Variants in SH3KBP1 observed in about 807,000 individuals in gnomAD.
SH3KBP1 encodes SH3 domain-containing kinase-binding protein 1.
In SH3KBP1, 8 loss-of-function variants were observed where a neutral mutation model predicts 50.1. That is an observed-to-expected ratio of 0.16 (90% CI 0.09 to 0.29). The LOEUF is 0.29. SH3KBP1 is among the 10% of genes least tolerant of loss of function. The probability of loss-of-function intolerance (pLI) is 1.00; values close to 1 mark genes in which losing one functional copy is unlikely to be tolerated. For missense variants in SH3KBP1, 377 were observed against 535.2 expected (o/e 0.70, Z 2.92); for synonymous variants, 227 against 218.6 (o/e 1.04, Z -0.34).
intron 9 of SH3KBP1, among the ~76,000 whole-genome samples, chrX:19,602,601 GCA>G: frequency 1.8e-5 from 2 of 112,351 alleles, no homozygotes; most frequent in African/African-American, 6.5e-5. Context: ...CTTATTAGAA[GCA>G]CATATTTCTT....
intron 1 of SH3KBP1, among the ~76,000 whole-genome samples, chrX:19,854,129 T>C (rs2068585869): frequency 9.1e-6 from 1 of 110,214 alleles, no homozygotes; most frequent in Non-Finnish European, 1.9e-5. Flanking sequence ...TTTCTTTCTT[T>C]TTTTGAGATG....
chrX:19,627,563 T>G (rs1310336184), intron 8 of SH3KBP1, among the ~76,000 whole-genome samples: 1 of 112,606 alleles, frequency 8.9e-6, no homozygotes, highest in African/African-American at 3.2e-5. Context: ...CAAGAATTCT[T>G]TATAAATAAA....
chrX:19,718,202 G>A (rs1046667141), intron 3 of SH3KBP1, among the ~76,000 whole-genome samples: 1 of 108,499 alleles, frequency 9.2e-6, no homozygotes, highest in Admixed American at 9.9e-5. Context: ...GCAGCATGTA[G>A]CATTTTAGTT....
chrX:19,541,380 C>T (rs188354026), intron 16 of SH3KBP1, among the ~76,000 whole-genome samples: 6 of 111,711 alleles, frequency 5.4e-5, no homozygotes, highest in Non-Finnish European at 9.4e-5. Flanking sequence ...GGAAGAAAGA[C>T]CCCCACTGCC....
chrX:19,786,044 A>G (rs982614605), intron 2 of SH3KBP1, among the ~76,000 whole-genome samples: 1 of 111,941 alleles, frequency 8.9e-6, no homozygotes, highest in African/African-American at 3.3e-5. Context: ...TGAACCATAC[A>G]CTTCAAATGA....
chrX:19,541,785 C>A, intron 16 of SH3KBP1, 140 bp downstream of exon 16: 1 of 668,159 alleles, frequency 1.5e-6, no homozygotes. Flanking sequence ...TCTACACGCA[C>A]TCCCACCATT....
chrX:19,679,904 A>G lies in SH3KBP1; in HGVS notation c.726+3919T>C, dbSNP rs768872452. Among the ~76,000 whole-genome samples the G allele has an allele frequency of 2.1e-4, 24 of 112,591 alleles. No individual in the cohort carries two copies. In the South Asian group the frequency reaches 8.3e-3, roughly 39 times the overall value. On this transcript the variant is annotated intron_variant, in intron 6 of 17. Transcript: ENST00000397821. ...AAACGGAATCCTTCCTTATAGCCTGATAAGAGAAACAAGAATACCTACATG... is the reference window on the plus strand; with the variant it reads ...AAACGGAATCCTTCCTTATAGCCTGGTAAGAGAAACAAGAATACCTACATG...
chrX:19,615,925 T>A lies in SH3KBP1; in HGVS notation c.898-7880A>T, dbSNP rs1027155659. On this transcript the variant is annotated intron_variant, in intron 8 of 17. Coordinates refer to ENST00000397821, the MANE Select transcript of SH3KBP1 (RefSeq NM_031892.3). ...GCTTAGGCAGTCATTCACTTTTTTT[T>A]TTTTTTTTTAGACGGGGCCTCACTC... is the stretch of plus-strand genomic sequence containing the variant. 2.0e-4 allele frequency among the ~76,000 whole-genome samples: 22 copies of A among 109,939 alleles called. 1 individual carries two copies. The highest frequency in any genetic ancestry group is 2.9e-4 in the Admixed American group (3 of 10,232).
chrX:19,549,563 C>T (rs73631348), intron 14 of SH3KBP1, among the ~76,000 whole-genome samples: 2,283 of 111,375 alleles, frequency 0.02, 58 homozygotes, highest in African/African-American at 0.07. Flanking sequence ...GAGAAAGGTT[C>T]GGCTGCTGCC....
intron 8 of SH3KBP1, among the ~76,000 whole-genome samples, chrX:19,621,069 C>T (rs865798390): frequency 3.0e-3 from 111 of 36,668 alleles, no homozygotes; most frequent in Middle Eastern, 0.017. Flanking sequence ...CATTTCTTTT[C>T]TTTCTTTTTT....
chrX:19,805,415 T>A (rs1000605510), intron 2 of SH3KBP1, among the ~76,000 whole-genome samples: 1 of 109,185 alleles, frequency 9.2e-6, no homozygotes, highest in Non-Finnish European at 1.9e-5. Flanking sequence ...TTCTTAAAAA[T>A]CAACATACTT....
At chrX:19,829,413 CTGTT>C (rs2067792227) in intron 2 of SH3KBP1, among the ~76,000 whole-genome samples, 1 of 108,646 alleles carries the variant, frequency 9.2e-6, no homozygotes, top group Admixed American at 9.8e-5. Flanking sequence ...GTGGAACTGT[CTGTT>C]CTTTTTTTTT....
intron 13 of SH3KBP1, among the ~76,000 whole-genome samples, chrX:19,566,691 A>C (rs1051599673): frequency 1.8e-5 from 2 of 112,216 alleles, no homozygotes; most frequent in East Asian, 5.6e-4. Context: ...GCAGAACAAA[A>C]GCTACAGCAG....
rs2392753 is a variant in SH3KBP1, at chrX:19,751,568, A to C, written c.163-5127T>G. 3.5e-3 allele frequency among the ~76,000 whole-genome samples: 395 copies of C among 111,881 alleles called. 2 individuals are homozygous for C. The highest frequency in any genetic ancestry group is 0.012 in the African/African-American group (376 of 30,755). ...GCAAACCTCTTCAGAAAGCAAAGGAAACCCAGCTTCTCTTTATCTCAGATC... is the reference window on the plus strand; with the variant it reads ...GCAAACCTCTTCAGAAAGCAAAGGACACCCAGCTTCTCTTTATCTCAGATC... On this transcript the variant is annotated intron_variant, in intron 2 of 17. Transcript: ENST00000397821.
intron 1 of SH3KBP1, among the ~76,000 whole-genome samples, chrX:19,885,916 C>A (rs961725423): frequency 9.0e-6 from 1 of 111,453 alleles, no homozygotes; most frequent in African/African-American, 3.3e-5. Context: ...CTGTGCCACA[C>A]ACCAAAAGTG....
intron 3 of SH3KBP1, among the ~76,000 whole-genome samples, chrX:19,730,549 G>C (rs1284596622): frequency 9.0e-6 from 1 of 111,626 alleles, no homozygotes; most frequent in Non-Finnish European, 1.9e-5. Context: ...AAGGGTGGGA[G>C]GGGAGAAAAG....
chrX:19,887,072 G>A (rs2069611858), intron 1 of SH3KBP1, among the ~76,000 whole-genome samples: 1 of 111,545 alleles, frequency 9.0e-6, no homozygotes, highest in Non-Finnish European at 1.9e-5. Context: ...GCCAGCCCCC[G>A]TGATCGTCTG....
intron 2 of SH3KBP1, among the ~76,000 whole-genome samples, chrX:19,795,549 C>T (rs2066683362): frequency 9.0e-6 from 1 of 111,479 alleles, no homozygotes; most frequent in Admixed American, 9.6e-5. Context: ...CTCAGTCAGC[C>T]CTCCTTTTGT....
chrX:19,549,978 G>A lies in SH3KBP1; in HGVS notation c.1490C>T (p.Thr497Ile), dbSNP rs769826150. 2.5e-6 allele frequency: 3 copies of A among 1,184,462 alleles called. No individual in the cohort carries two copies. The highest frequency in any genetic ancestry group is 3.6e-5 in the South Asian group (2 of 56,055). Reference sequence around the variant, plus strand: ...ACAGTTTGAGGAGACACTTACAGATGTGAGGGACTGGGACGGAGGCCGCCT... The same window carrying A: ...ACAGTTTGAGGAGACACTTACAGATATGAGGGACTGGGACGGAGGCCGCCT... ...TGRRPPSQSL[T>I]SSSLSSPDIF... The change falls in exon 14 of 18, where the codon ACA (threonine) becomes ATA (isoleucine). Residue 497 changes from threonine to isoleucine, a missense_variant. Physicochemically the swap from Thr to Ile is moderately conservative, Grantham distance 89. Transcript: ENST00000397821.
Sources: allele counts gnomAD v4.1 joint callset (sites outside exome capture counted in the v4.1 genomes callset), GRCh38; gene constraint gnomAD v4.1.1; transcripts MANE v1.5; gene names NCBI Gene and HGNC (gene_info 2026-07-23, HGNC 2026-07-21).